PCP2: variants seen among roughly 807,000 people sequenced by gnomAD.
PCP2 encodes the protein Purkinje cell protein 2.
PCP2 carries 21 observed loss-of-function variants against 18.3 expected under a neutral mutation model. That is an observed-to-expected ratio of 1.14 (90% CI 0.81 to 1.65). The LOEUF (loss-of-function observed/expected upper bound fraction) is 1.65. PCP2 is among the 40% of genes most tolerant of loss of function. The pLI is 0.00. For synonymous variants in PCP2, 85 were observed against 77.6 expected, an observed-to-expected ratio of 1.10 and a Z score of -0.50; for missense variants, 202 against 201.8, an observed-to-expected ratio of 1.00 and a Z score of 0.00.
chr19:7,633,851 C>T (rs905171752), upstream of PCP2: 7 of 200,436 alleles, frequency 3.5e-5, no homozygotes, highest in Non-Finnish European at 7.0e-5. Flanking sequence ...ACCCAGCCAC[C>T]CAGGTTCCCC....
upstream of PCP2, among the ~76,000 whole-genome samples, chr19:7,634,887 T>C (rs1379813093): frequency 6.6e-6 from 1 of 152,150 alleles, no homozygotes; most frequent in Non-Finnish European, 1.5e-5. Flanking sequence ...GCATTCTCCC[T>C]CTGTGTCCCA....
chr19:7,633,240 GCCT>G (rs2031406190), intron 1 of PCP2, among the ~76,000 whole-genome samples, 164 bp downstream of exon 1: 1 of 152,200 alleles, frequency 6.6e-6, no homozygotes, highest in Non-Finnish European at 1.5e-5. Flanking sequence ...CTGCCCTGGG[GCCT>G]GGCACTCAGA....
At chr19:7,631,842 C>T (rs2031323113) in intron 3 of PCP2, 34 bp from the exon 4 acceptor site, 5 of 1,380,772 alleles carry the variant, frequency 3.6e-6, no homozygotes, top group Admixed American at 5.6e-5. Flanking sequence ...AGGGGGAGGG[C>T]TCAAGGGCAG....
intron 1 of PCP2, chr19:7,633,146 C>T (rs1015648694): frequency 2.1e-5 from 8 of 375,594 alleles, no homozygotes; most frequent in Admixed American, 1.3e-4. Flanking sequence ...AGCTGGGACA[C>T]GAATCAGGGA....
Position 7,631,667 on chromosome 19 carries a change from A to G in PCP2, c.*22T>C. 1.4e-6 allele frequency: 2 copies of G among 1,468,540 alleles called. No individual in the cohort carries two copies. Among genetic ancestry groups the G allele is most frequent in the Non-Finnish European group, 1.8e-6 (2 of 1,109,072 alleles). The allele number at this position is 1,468,540 out of a possible 1,614,324, so 91.0% of individuals were successfully genotyped here. A position where few individuals can be genotyped will look rare whatever the true frequency, so the allele number is the denominator to read the frequency against. On this transcript the variant is annotated 3_prime_UTR_variant, in exon 4 of 4. Coordinates refer to ENST00000311069, the MANE Select transcript of PCP2 (RefSeq NM_174895.3). Reference sequence around the variant, plus strand: ...TTTATCAGTTTTTGGGGGCCGAGTGAGACCCAGGATGCCTCAGGCCCTCAG... The same window carrying G: ...TTTATCAGTTTTTGGGGGCCGAGTGGGACCCAGGATGCCTCAGGCCCTCAG...
chr19:7,633,124 G>A (rs1481743939), intron 1 of PCP2: 1 of 492,310 alleles, frequency 2.0e-6, no homozygotes, highest in Non-Finnish European at 2.6e-6. Context: ...GGCCTGATGA[G>A]TGTGGCCTGG....
chr19:7,633,359 G>A lies in PCP2; in HGVS notation c.51+48C>T, dbSNP rs377333645. On this transcript the variant is annotated intron_variant, in intron 1 of 3. Coordinates refer to ENST00000311069, the MANE Select transcript of PCP2 (RefSeq NM_174895.3). The stretch of plus-strand genomic sequence containing the variant: ...TACAAACTAGTCTTGTCAATCATGG[G>A]CTCTGAGACCTTGAGCTGGGGGTGG... 6.2e-5 allele frequency: 95 copies of A among 1,524,452 alleles called. No individual in the cohort carries two copies. The African/African-American group carries it at 1.3e-3, about 20-fold the overall frequency. The allele number at this position is 1,524,452 out of a possible 1,614,324, so 94.4% of individuals were successfully genotyped here. A position where few individuals can be genotyped will look rare whatever the true frequency, so the allele number is the denominator to read the frequency against.
chr19:7,633,697 C>T lies in PCP2; in HGVS notation c.-240G>A, dbSNP rs1010515299. On this transcript the variant is annotated 5_prime_UTR_variant, in exon 1 of 4. Transcript: ENST00000311069. ...GGCAGGGCGACCTGAGCTTGGACCT[C>T]GCTGTGCCCAGCAGCAATGACTGGA... The T allele has an allele frequency of 1.8e-6, 1 of 566,952 alleles. No homozygotes were observed. The highest frequency in any genetic ancestry group is 3.1e-6 in the Non-Finnish European group (1 of 318,602). 35.1% of individuals were successfully genotyped at this position (566,952 alleles called of 1,614,324 possible).
rs2031368723 is a variant in PCP2, at chr19:7,632,618, TC to T, written c.166+97del. 1.9e-6 allele frequency: 3 copies of T among 1,583,458 alleles called. No individual in the cohort carries two copies. In the Admixed American group the frequency reaches 5.1e-5, roughly 27 times the overall value. The stretch of plus-strand genomic sequence containing the variant: ...AGATGCTTCAGGGTGCACAACCACC[TC>T]CCACATCCCGTGCCCCCAGGCCCTC... On this transcript the variant is annotated intron_variant, in intron 2 of 3. Coordinates refer to ENST00000311069, the MANE Select transcript of PCP2 (RefSeq NM_174895.3). This position sits in a 1 kb window ranked among gnomAD's most constrained non-coding sequence, Gnocchi z 5.2.
At position 7,632,951 on chromosome 19, in the gene PCP2, A is replaced by C. The variant is rs1230371689; in HGVS notation, c.52-121T>G. ...TGCCGTCCCCACTTCCTCAGCTCTC[A>C]CCATGGTCCCCGCCGATCCTCTCTG... On this transcript the variant is annotated intron_variant, in intron 1 of 3. Transcript: ENST00000311069. This position sits in a 1 kb window ranked among gnomAD's most constrained non-coding sequence, Gnocchi z 5.2. 1 of 1,474,980 alleles carries C rather than the reference A, an allele frequency of 6.8e-7. No homozygotes were observed. The allele number at this position is 1,474,980 out of a possible 1,614,324, so 91.4% of individuals were successfully genotyped here.
At position 7,633,569 on chromosome 19, in the gene PCP2, C is replaced by G. The variant is rs544055566; in HGVS notation, c.-112G>C. 1.0e-6 allele frequency: 1 copy of G among 999,268 alleles called. No individual in the cohort carries two copies. The highest frequency in any genetic ancestry group is 1.5e-5 in the South Asian group (1 of 67,102). 61.9% of individuals were successfully genotyped at this position (999,268 alleles called of 1,614,324 possible). A position where few individuals can be genotyped will look rare whatever the true frequency, so the allele number is the denominator to read the frequency against. On this transcript the variant is annotated 5_prime_UTR_variant, in exon 1 of 4. Coordinates refer to ENST00000311069, the MANE Select transcript of PCP2 (RefSeq NM_174895.3). ...GTGGATTCCCCCCATCCCCAAATCCCCAGCTCATGCCCCATCTGCTCCCAC... is the reference window on the plus strand; with the variant it reads ...GTGGATTCCCCCCATCCCCAAATCCGCAGCTCATGCCCCATCTGCTCCCAC...
In PCP2 at chr19:7,632,550, A is replaced by T. The variant is rs1422439207; in HGVS notation, c.167-33T>A. 4 of 1,608,922 alleles carry T rather than the reference A, an allele frequency of 2.5e-6. No individual in the cohort carries two copies. Among genetic ancestry groups the T allele is most frequent in the Non-Finnish European group, 3.4e-6 (4 of 1,177,982 alleles). ...GACGTTCACAGACTTGGGAGGACAC[A>T]GCCGGAGTGGGGGCCCCCAACCCTA... On this transcript the variant is annotated intron_variant, in intron 2 of 3. Transcript: ENST00000311069. This position sits in a 1 kb window ranked among gnomAD's most constrained non-coding sequence, Gnocchi z 5.2.
At position 7,633,470 on chromosome 19, in the gene PCP2, C is replaced by T. The variant is rs2031421501; in HGVS notation, c.-13G>A. The T allele has an allele frequency of 1.3e-6, 2 of 1,572,026 alleles. No homozygotes were observed. The highest frequency in any genetic ancestry group is 8.6e-7 in the Non-Finnish European group (1 of 1,157,328). On this transcript the variant is annotated 5_prime_UTR_variant, in exon 1 of 4. It introduces an in-frame stop codon into an upstream open reading frame of the 5' UTR. Coordinates refer to ENST00000311069, the MANE Select transcript of PCP2 (RefSeq NM_174895.3). ...CCTGATCCATCATGTCCCTGGACTCCAGTCACTTTTCTGCTGGCCTCTGCC... is the reference window on the plus strand; with the variant it reads ...CCTGATCCATCATGTCCCTGGACTCTAGTCACTTTTCTGCTGGCCTCTGCC...
At position 7,633,708 on chromosome 19, in the gene PCP2, G is replaced by T; in HGVS notation, c.-251C>A. The stretch of plus-strand genomic sequence containing the variant: ...CTGAGCTTGGACCTCGCTGTGCCCA[G>T]CAGCAATGACTGGACCCCAGGGACT... On this transcript the variant is annotated 5_prime_UTR_variant, in exon 1 of 4. In the 5' UTR this introduces an upstream ATG that the reference lacks. Coordinates refer to ENST00000311069, the MANE Select transcript of PCP2 (RefSeq NM_174895.3). 1 of 551,348 alleles carries T rather than the reference G, an allele frequency of 1.8e-6. No individual in the cohort carries two copies. Among genetic ancestry groups the T allele is most frequent in the Admixed American group, 3.3e-5 (1 of 29,874 alleles). 34.2% of individuals were successfully genotyped at this position (551,348 alleles called of 1,614,324 possible). A position where few individuals can be genotyped will look rare whatever the true frequency, so the allele number is the denominator to read the frequency against.
rs975517776 is a variant in PCP2 at position 7,632,621 on chromosome 19, C to T, written c.166+95G>A. ...TGCTTCAGGGTGCACAACCACCTCC[C>T]ACATCCCGTGCCCCCAGGCCCTCCA... On this transcript the variant is annotated intron_variant, in intron 2 of 3. Coordinates refer to ENST00000311069, the MANE Select transcript of PCP2 (RefSeq NM_174895.3). This position sits in a 1 kb window ranked among gnomAD's most constrained non-coding sequence, Gnocchi z 5.2. The T allele has an allele frequency of 8.2e-6, 13 of 1,584,564 alleles. No individual in the cohort carries two copies. Among genetic ancestry groups the T allele is most frequent in the Non-Finnish European group, 9.4e-6 (11 of 1,167,714 alleles).
Position 7,632,734 on chromosome 19 carries a change from C to G in PCP2, c.148G>C (p.Gly50Arg). The G allele has an allele frequency of 2.6e-6, 4 of 1,561,518 alleles. No individual in the cohort carries two copies. In the South Asian group the frequency reaches 4.7e-5, roughly 18 times the overall value. Residue 50 changes from glycine to arginine, a missense_variant, in exon 2 of 4, where the codon GGC becomes CGC. Gly to Arg is a moderately radical substitution (Grantham distance 125). Transcript: ENST00000311069. This position sits in a 1 kb window ranked among gnomAD's most constrained non-coding sequence, Gnocchi z 5.2. The part of the protein sequence containing the change: ...GQRCSLQAGP[G>R]QTTKSQSDPT... The stretch of plus-strand genomic sequence containing the variant: ...TGCTCACGGCTCTTGGTGGTCTGGC[C>G]CGGCCCGGCTTGCAGTGAACAGCGC...
Position 7,632,012 on chromosome 19 carries a change from C to A in PCP2, c.292-204G>T. On this transcript the variant is annotated intron_variant, in intron 3 of 3. Transcript: ENST00000311069. The surrounding 1 kb of genome is among the most constrained non-coding windows in gnomAD (Gnocchi z 5.2). ...TTGGGGCCCTCGCTGGGATCTTGATCAGAACCCAAGCTTCGTGTATGTGTG... is the reference window on the plus strand; with the variant it reads ...TTGGGGCCCTCGCTGGGATCTTGATAAGAACCCAAGCTTCGTGTATGTGTG... The A allele has an allele frequency of 2.0e-6, 1 of 501,456 alleles. No individual in the cohort carries two copies. Among genetic ancestry groups the A allele is most frequent in the Non-Finnish European group, 3.4e-6 (1 of 298,442 alleles). The allele number at this position is 501,456 out of a possible 1,614,324, so 31.1% of individuals were successfully genotyped here.
Position 7,632,780 on chromosome 19 carries a change from C to T in PCP2, c.102G>A (p.Gln34=), listed in dbSNP as rs1390191904. 2.0e-5 allele frequency: 31 copies of T among 1,565,586 alleles called. No individual in the cohort carries two copies. The highest frequency in any genetic ancestry group is 2.6e-5 in the Non-Finnish European group (30 of 1,158,604). ...EGFFNLLSHV[Q]GDRMEGQRCS... ...AGCGCTGTCCCTCCATCCGGTCGCCCTGCACGTGGCTCAGCAGATTGAAGA... is the reference window on the plus strand; with the variant it reads ...AGCGCTGTCCCTCCATCCGGTCGCCTTGCACGTGGCTCAGCAGATTGAAGA... The change falls in exon 2 of 4, where the codon CAG becomes CAA. Residue 34 remains glutamine, a synonymous_variant. Transcript: ENST00000311069. The surrounding 1 kb of genome is among the most constrained non-coding windows in gnomAD (Gnocchi z 5.2).
At chr19:7,633,270 C>A (rs1247388711) in intron 1 of PCP2, 137 bp downstream of exon 1, 13 of 937,250 alleles carry the variant, frequency 1.4e-5, no homozygotes, top group Non-Finnish European at 1.9e-5. Flanking sequence ...AGCCCACCAG[C>A]CCCTTTCTAC....
Sources: allele counts gnomAD v4.1 joint callset (sites outside exome capture counted in the v4.1 genomes callset), GRCh38; gene constraint gnomAD v4.1.1; non-coding constraint Gnocchi (gnomAD v3.1); transcripts MANE v1.5; gene names NCBI Gene and HGNC (gene_info 2026-07-23, HGNC 2026-07-21).